Variants in MGAT4C observed in about 807,000 individuals in gnomAD.
MGAT4C encodes the protein alpha-1,3-mannosyl-glycoprotein 4-beta-N-acetylglucosaminyltransferase C.
In MGAT4C, 19 loss-of-function variants were observed where a neutral mutation model predicts 40.1. That is an observed-to-expected ratio of 0.47 (90% CI 0.33 to 0.70). MGAT4C has a LOEUF of 0.70. Ranked by LOEUF, MGAT4C falls within the 30% of genes least tolerant of loss-of-function variation. The pLI is 0.02. For synonymous variants in MGAT4C, 181 were observed against 187.1 expected, an observed-to-expected ratio of 0.97 and a Z score of 0.27; for missense variants, 491 against 563.2, an observed-to-expected ratio of 0.87 and a Z score of 1.30.
chr12:86,302,466 T>C (rs1953838428), intron 4 of MGAT4C, among the ~76,000 whole-genome samples: 2 of 150,592 alleles, frequency 1.3e-5, no homozygotes, highest in Non-Finnish European at 2.9e-5. Flanking sequence ...TCTCATTCTG[T>C]TGCCCATGCT....
chr12:86,641,243 A>G (rs1963376748), intron 2 of MGAT4C, among the ~76,000 whole-genome samples: 1 of 151,836 alleles, frequency 6.6e-6, no homozygotes, highest in East Asian at 2.0e-4. Context: ...ATTGGAAATA[A>G]TCATTCTCAG....
intron 1 of MGAT4C, among the ~76,000 whole-genome samples, chr12:86,793,717 T>C (rs1292290485): frequency 6.6e-6 from 1 of 152,014 alleles, no homozygotes; most frequent in Non-Finnish European, 1.5e-5. Context: ...ATTATTAATG[T>C]ATTCATTAAA....
chr12:86,270,618 C>A (rs943422884), intron 4 of MGAT4C, among the ~76,000 whole-genome samples: 2 of 152,192 alleles, frequency 1.3e-5, no homozygotes, highest in African/African-American at 4.8e-5. Flanking sequence ...AGATTCAATG[C>A]AATCCCCATC....
chr12:86,142,379 G>T (rs981595590), intron 1 of MGAT4C, among the ~76,000 whole-genome samples: 3 of 152,068 alleles, frequency 2.0e-5, no homozygotes, highest in African/African-American at 7.2e-5. Flanking sequence ...GTGTACCCAT[G>T]TTTATTTTCA....
At chr12:86,283,856 C>G (rs1379681743) in intron 4 of MGAT4C, among the ~76,000 whole-genome samples, 1 of 152,060 alleles carries the variant, frequency 6.6e-6, no homozygotes, top group Non-Finnish European at 1.5e-5. Flanking sequence ...TGTAGAGATA[C>G]AGTATATCGC....
chr12:86,178,826 C>T (rs1887775940), intron 1 of MGAT4C, among the ~76,000 whole-genome samples: 1 of 152,094 alleles, frequency 6.6e-6, no homozygotes, highest in South Asian at 2.1e-4. Flanking sequence ...CTCAATAATG[C>T]CTAGCTTATT....
chr12:86,418,870 C>T (rs1346280870), intron 3 of MGAT4C, among the ~76,000 whole-genome samples: 3 of 152,134 alleles, frequency 2.0e-5, no homozygotes, highest in African/African-American at 7.2e-5. Context: ...TGATTGGACT[C>T]TGCCAAGAAA....
intron 2 of MGAT4C, among the ~76,000 whole-genome samples, chr12:86,603,504 A>G (rs1325363584): frequency 5.9e-5 from 2 of 33,830 alleles, no homozygotes; most frequent in Non-Finnish European, 1.4e-4. Flanking sequence ...TATATACTAT[A>G]TATAGTCTAT....
intron 1 of MGAT4C, among the ~76,000 whole-genome samples, chr12:86,751,357 A>C (rs1951229166): frequency 6.6e-6 from 1 of 152,046 alleles, no homozygotes; most frequent in Non-Finnish European, 1.5e-5. Context: ...TTGTGAGAAT[A>C]CTGCTGTACT....
chr12:86,401,608 T>C (rs2136236919), intron 3 of MGAT4C, among the ~76,000 whole-genome samples: 1 of 152,306 alleles, frequency 6.6e-6, no homozygotes, highest in African/African-American at 2.4e-5. Flanking sequence ...CTATAAGTTC[T>C]AAGAGAAGTT....
At chr12:86,274,887 T>C (rs1953032603) in intron 4 of MGAT4C, among the ~76,000 whole-genome samples, 1 of 152,068 alleles carries the variant, frequency 6.6e-6, no homozygotes, top group Non-Finnish European at 1.5e-5. Flanking sequence ...GTGAGAAAAG[T>C]GGACATTGAC....
At chr12:86,388,393 A>G (rs906503763) in intron 3 of MGAT4C, among the ~76,000 whole-genome samples, 18 of 152,072 alleles carry the variant, frequency 1.2e-4, no homozygotes, top group South Asian at 4.1e-4. Context: ...AATTTTTTTA[A>G]GGTTGGAATG....
At chr12:86,222,501 T>A (rs1267299777) in intron 1 of MGAT4C, among the ~76,000 whole-genome samples, 1 of 152,180 alleles carries the variant, frequency 6.6e-6, no homozygotes, top group Non-Finnish European at 1.5e-5. Flanking sequence ...ACTCTTTCTA[T>A]CCACCTAAAT....
intron 1 of MGAT4C, among the ~76,000 whole-genome samples, chr12:86,057,105 C>T (rs1305838019): frequency 6.6e-6 from 1 of 151,862 alleles, no homozygotes. Context: ...ATCCTTTAGA[C>T]CTCAAAATTT....
rs532844486 is a variant in MGAT4C at position 86,789,965 on chromosome 12, GC to G, written c.-262+48700del. ...TTTGGGTTCCATCAGAAATTATCTGGCCCTAAAGGGTACAAACTAACCATTA... is the reference window on the plus strand; with the variant it reads ...TTTGGGTTCCATCAGAAATTATCTGGCCTAAAGGGTACAAACTAACCATTA... On this transcript the variant is annotated intron_variant, in intron 1 of 7. Coordinates refer to the MGAT4C transcript ENST00000548651. Among the ~76,000 whole-genome samples, 18 of 152,202 alleles carry G rather than the reference GC, an allele frequency of 1.2e-4. 1 individual carries two copies. The East Asian group carries it at 3.5e-3, about 29-fold the overall frequency.
chr12:86,476,452 A>C (rs1957836842), intron 2 of MGAT4C, among the ~76,000 whole-genome samples: 1 of 152,134 alleles, frequency 6.6e-6, no homozygotes, highest in Non-Finnish European at 1.5e-5. Context: ...GCTTTGGATA[A>C]AAGGGAAAGC....
intron 1 of MGAT4C, among the ~76,000 whole-genome samples, chr12:86,056,283 G>T (rs796071793): frequency 2.6e-5 from 4 of 152,150 alleles, no homozygotes; most frequent in African/African-American, 9.6e-5. Context: ...CGTGCACAAC[G>T]TGCAGGTTTG....
At chr12:86,081,062 T>C (rs547479223) in intron 1 of MGAT4C, among the ~76,000 whole-genome samples, 17 of 152,192 alleles carry the variant, frequency 1.1e-4, no homozygotes, top group Non-Finnish European at 2.5e-4. Flanking sequence ...TTTGTTTCTC[T>C]GTGATCCAAG....
intron 1 of MGAT4C, among the ~76,000 whole-genome samples, chr12:86,821,296 C>A (rs2136226764): frequency 6.6e-6 from 1 of 150,748 alleles, no homozygotes; most frequent in African/African-American, 2.4e-5. Flanking sequence ...ATAGGTTGCA[C>A]TGATAAGTGA....
Sources: gnomAD v4.1 joint callset for allele counts (sites outside exome capture counted in the v4.1 genomes callset) on GRCh38, gnomAD v4.1.1 for gene constraint, MANE v1.5 for transcripts, NCBI Gene and HGNC (gene_info 2026-07-23, HGNC 2026-07-21) for gene names.